Variants in XPO6 observed in about 807,000 individuals in gnomAD.
XPO6 encodes the protein exportin 6.
A neutral mutation model predicts 130.0 loss-of-function variants in XPO6; 3 were observed. The observed-to-expected ratio is 0.02, with a 90% CI of 0.01 to 0.06. The LOEUF is 0.06. XPO6 is among the 10% of genes least tolerant of loss of function. The pLI is 1.00. For missense variants in XPO6, 970 were observed against 1,393.0 expected (o/e 0.70, Z 4.83); for synonymous variants, 524 against 548.9 (o/e 0.95, Z 0.63).
rs1469033258 is a variant in XPO6, at chr16:28,106,263, G to T, written c.2613-49C>A. On this transcript the variant is annotated intron_variant, in intron 19 of 23. Coordinates refer to ENST00000304658, the MANE Select transcript of XPO6 (RefSeq NM_015171.4). This position sits in a 1 kb window ranked among gnomAD's most constrained non-coding sequence, Gnocchi z 4.2. Reference sequence around the variant, plus strand: ...TGAGCAACCACATGTTTCTCTGGGGGCCAGCATGAAAACCCATGCTGTGGC... The same window carrying T: ...TGAGCAACCACATGTTTCTCTGGGGTCCAGCATGAAAACCCATGCTGTGGC... The T allele has an allele frequency of 2.5e-6, 4 of 1,607,944 alleles. No homozygotes were observed. Among genetic ancestry groups the T allele is most frequent in the Admixed American group, 1.7e-5 (1 of 59,748 alleles).
At chr16:28,191,099 G>GA (rs1209279864) in intron 1 of XPO6, among the ~76,000 whole-genome samples, 8 of 152,204 alleles carry the variant, frequency 5.3e-5, no homozygotes, top group Non-Finnish European at 1.0e-4. Flanking sequence ...ATGGGAAAGA[G>GA]AAATGGAGAA....
chr16:28,106,383 C>T lies in XPO6; in HGVS notation c.2612G>A (p.Arg871Lys), dbSNP rs780775153. 1.2e-6 allele frequency: 2 copies of T among 1,614,030 alleles called. No homozygotes were observed. Among genetic ancestry groups the T allele is most frequent in the Non-Finnish European group, 1.7e-6 (2 of 1,179,880 alleles). The change falls in exon 19 of 24, where the codon AGA (arginine) becomes AAA (lysine). Residue 871 changes from arginine to lysine, a missense_variant and splice_region_variant. Arg to Lys is a conservative substitution (Grantham distance 26). Coordinates refer to ENST00000304658, the MANE Select transcript of XPO6 (RefSeq NM_015171.4). This position sits in a 1 kb window ranked among gnomAD's most constrained non-coding sequence, Gnocchi z 4.2. ...IIQTFLNMFT[R>K]EQLAESILHE... is the part of the protein sequence containing the mutation. ...CTATAGATGGTGGGTCTGTGCTTAC[C>T]TGGTAAACATGTTGAGGAAAGTCTG...
At chr16:28,116,400 T>G (rs1363587045) in intron 15 of XPO6, among the ~76,000 whole-genome samples, 1 of 150,872 alleles carries the variant, frequency 6.6e-6, no homozygotes, top group African/African-American at 2.4e-5. Context: ...AGACGGAGCT[T>G]GCAGTGAGCC....
chr16:28,161,576 A>C (rs2043279247), intron 6 of XPO6, among the ~76,000 whole-genome samples: 2 of 152,198 alleles, frequency 1.3e-5, no homozygotes, highest in South Asian at 4.1e-4. Context: ...AAAAGGAAAA[A>C]AAAAAACAAA....
Position 28,146,268 on chromosome 16 carries a change from C to A in XPO6, c.1225-65G>T, listed in dbSNP as rs193073973. On this transcript the variant is annotated intron_variant, in intron 8 of 23. Transcript: ENST00000304658. ...TGCTACTATTCCTTAGAAACACACA[C>A]ATGCCAGTGTTTAATTCCAGCAGAA... 2.2e-3 allele frequency: 2,536 copies of A among 1,161,086 alleles called. 37 individuals are homozygous for A. Among genetic ancestry groups the A allele is most frequent in the Non-Finnish European group, 4.9e-4 (382 of 778,068 alleles). The allele number at this position is 1,161,086 out of a possible 1,614,324, so 71.9% of individuals were successfully genotyped here. A position where few individuals can be genotyped will look rare whatever the true frequency, so the allele number is the denominator to read the frequency against.
intron 6 of XPO6, among the ~76,000 whole-genome samples, chr16:28,165,082 T>C (rs2043335729): frequency 6.6e-6 from 1 of 152,260 alleles, no homozygotes; most frequent in East Asian, 1.9e-4. Flanking sequence ...CCAGGCATGT[T>C]GGTGCACATC....
At position 28,175,632 on chromosome 16, in the gene XPO6, A is replaced by G. The variant is rs113974373; in HGVS notation, c.405+266T>C. Reference sequence around the variant, plus strand: ...CACCCTTGTACCCCCAACACCTAGTACAGCACCTAACAGGCTTTCAAATAC... The same window carrying G: ...CACCCTTGTACCCCCAACACCTAGTGCAGCACCTAACAGGCTTTCAAATAC... On this transcript the variant is annotated intron_variant, in intron 4 of 23. Transcript: ENST00000304658. Among the ~76,000 whole-genome samples, 541 of 152,350 alleles carry G rather than the reference A, an allele frequency of 3.6e-3. 5 individuals carry two copies. Among genetic ancestry groups the G allele is most frequent in the African/African-American group, 0.013 (523 of 41,590 alleles).
chr16:28,169,913 C>T lies in XPO6; in HGVS notation c.406-4G>A, dbSNP rs1567636589. Reference sequence around the variant, plus strand: ...TTGTCACAGGGGACTGGATCAACTGCCAGGAAAAAGCATGTTCTGAGCAGA... The same window carrying T: ...TTGTCACAGGGGACTGGATCAACTGTCAGGAAAAAGCATGTTCTGAGCAGA... On this transcript the variant is annotated splice_polypyrimidine_tract_variant and splice_region_variant and intron_variant, in intron 4 of 23. Coordinates refer to ENST00000304658, the MANE Select transcript of XPO6 (RefSeq NM_015171.4). The T allele has an allele frequency of 6.8e-6, 11 of 1,612,938 alleles. No individual in the cohort carries two copies. Among genetic ancestry groups the T allele is most frequent in the African/African-American group, 1.3e-5 (1 of 74,818 alleles).
rs531649702 is a variant in XPO6 at position 28,117,356 on chromosome 16, T to C, written c.1966A>G (p.Thr656Ala). ...AGAGGTGTGATTGCATCCATGGTAG[T>C]AGAGATGAGTGTCACGAACTGCTGC... ...NTQQFVTLIS[T>A]TMDAITPLIS... Residue 656 changes from threonine to alanine, a missense_variant, in exon 15 of 24, where the codon ACT (threonine) becomes GCT (alanine). Physicochemically the swap from Thr to Ala is moderately conservative, Grantham distance 58 (BLOSUM62 0). Coordinates refer to ENST00000304658, the MANE Select transcript of XPO6 (RefSeq NM_015171.4). 6 of 1,614,052 alleles carry C rather than the reference T, an allele frequency of 3.7e-6. No individual in the cohort carries two copies. The African/African-American group carries it at 4.0e-5, about 11-fold the overall frequency.
intron 9 of XPO6, among the ~76,000 whole-genome samples, chr16:28,143,258 C>T (rs1055886617): frequency 1.3e-5 from 2 of 152,168 alleles, no homozygotes; most frequent in Admixed American, 1.3e-4. Flanking sequence ...GGGGCCATGC[C>T]ACCTAACGCT....
At chr16:28,141,915 G>A (rs556545300) in intron 9 of XPO6, among the ~76,000 whole-genome samples, 5 of 152,368 alleles carry the variant, frequency 3.3e-5, no homozygotes, top group East Asian at 1.9e-4. Flanking sequence ...AGCCAAGATC[G>A]CGCCACTGCG....
intron 1 of XPO6, among the ~76,000 whole-genome samples, chr16:28,189,471 A>T (rs985098772): frequency 6.6e-6 from 1 of 152,092 alleles, no homozygotes; most frequent in Non-Finnish European, 1.5e-5. Context: ...CACCCATGTG[A>T]GTTCCTTTCC....
At chr16:28,117,537 A>C in intron 14 of XPO6, 75 bp from the exon 15 acceptor site, 1 of 1,539,240 alleles carries the variant, frequency 6.5e-7, no homozygotes. Context: ...TTTTCATAGG[A>C]GGTAAGAATT....
intron 13 of XPO6, 133 bp from the exon 14 acceptor site, chr16:28,121,895 T>C (rs1489636916): frequency 6.5e-6 from 4 of 615,834 alleles, no homozygotes; most frequent in Non-Finnish European, 1.2e-5. Context: ...AGACCAGACT[T>C]TCAATTTTAT....
rs138776927 is a variant in XPO6, at chr16:28,150,522, A to G, written c.1224+2137T>C. 3.2e-3 allele frequency among the ~76,000 whole-genome samples: 480 copies of G among 152,298 alleles called. 5 individuals carry two copies. The highest frequency in any genetic ancestry group is 0.011 in the African/African-American group (466 of 41,562). On this transcript the variant is annotated intron_variant, in intron 8 of 23. Coordinates refer to ENST00000304658, the MANE Select transcript of XPO6 (RefSeq NM_015171.4). ...GTAAATTTAAGGTTTCTCCAAGGAC[A>G]CAGAACTAATAGAAATAAGCAGACC... is the stretch of plus-strand genomic sequence containing the variant.
At chr16:28,124,600 G>A (rs571191844) in intron 13 of XPO6, among the ~76,000 whole-genome samples, 69 of 152,242 alleles carry the variant, frequency 4.5e-4, no homozygotes, top group African/African-American at 1.6e-3. Context: ...TGTGTGAACC[G>A]AGGCAAGGCA....
At chr16:28,194,134 G>C (rs1567648170) in intron 1 of XPO6, among the ~76,000 whole-genome samples, 2 of 151,940 alleles carry the variant, frequency 1.3e-5, no homozygotes, top group African/African-American at 4.8e-5. Flanking sequence ...AAGTAGCTAT[G>C]GGAATGACAT....
Position 28,190,307 on chromosome 16 carries a change from C to T in XPO6, c.4-9276G>A, listed in dbSNP as rs368442966. 4.6e-5 allele frequency among the ~76,000 whole-genome samples: 7 copies of T among 151,992 alleles called. No individual in the cohort carries two copies. The East Asian group carries it at 1.2e-3, about 25-fold the overall frequency. On this transcript the variant is annotated intron_variant, in intron 1 of 23. Coordinates refer to ENST00000304658, the MANE Select transcript of XPO6 (RefSeq NM_015171.4). ...CAATCTCAGCTCACTGCAACCTCCA[C>T]CTCCCAGGTTCAAGCAATTCTCGTG...
At chr16:28,177,912 C>T (rs777262726) in intron 2 of XPO6, among the ~76,000 whole-genome samples, 3 of 152,188 alleles carry the variant, frequency 2.0e-5, no homozygotes, top group East Asian at 1.9e-4. Flanking sequence ...GTGAATCGAC[C>T]GGTGGCAAGA....
Sources: allele counts gnomAD v4.1 joint callset (sites outside exome capture counted in the v4.1 genomes callset), GRCh38; gene constraint gnomAD v4.1.1; non-coding constraint Gnocchi (gnomAD v3.1); transcripts MANE v1.5; gene names NCBI Gene and HGNC (gene_info 2026-07-23, HGNC 2026-07-21).